EFCAB14: variants seen among roughly 807,000 people sequenced by gnomAD.
EFCAB14 encodes the protein EF-hand calcium-binding domain-containing protein 14.
Under a neutral mutation model 56.5 loss-of-function variants are expected in EFCAB14, and 43 were observed. That is an observed-to-expected ratio of 0.76 (90% CI 0.60 to 0.98). The LOEUF is 0.98. Ranked by LOEUF, EFCAB14 falls within the 50% of genes least tolerant of loss-of-function variation. EFCAB14 has a pLI of 0.00. For synonymous variants in EFCAB14, 235 were observed against 212.9 expected, an observed-to-expected ratio of 1.10 and a Z score of -0.90; for missense variants, 538 against 580.3, an observed-to-expected ratio of 0.93 and a Z score of 0.75.
chr1:46,715,626 CT>C (rs1677375737), intron 2 of EFCAB14, among the ~76,000 whole-genome samples: 3 of 151,834 alleles, frequency 2.0e-5, no homozygotes, highest in Admixed American at 6.6e-5. Context: ...CCACTTTATG[CT>C]TGGGGAGATG....
intron 3 of EFCAB14, among the ~76,000 whole-genome samples, chr1:46,697,430 G>C (rs1240845519): frequency 6.6e-6 from 1 of 152,230 alleles, no homozygotes; most frequent in Non-Finnish European, 1.5e-5. Flanking sequence ...TCAGGCTGCA[G>C]AGACAATATT....
intron 4 of EFCAB14, among the ~76,000 whole-genome samples, chr1:46,695,284 T>C (rs1209958717): frequency 6.6e-6 from 1 of 152,194 alleles, no homozygotes; most frequent in East Asian, 1.9e-4. Flanking sequence ...TCTGTACTAA[T>C]GGCTACAGAA....
At chr1:46,680,578 G>A (rs926517121) in intron 10 of EFCAB14, among the ~76,000 whole-genome samples, 4 of 152,206 alleles carry the variant, frequency 2.6e-5, no homozygotes, top group African/African-American at 7.2e-5. Context: ...TGGCAGGAGA[G>A]GGGACTGGGA....
chr1:46,717,822 C>T, intron 1 of EFCAB14, 81 bp downstream of exon 1: 1 of 1,479,990 alleles, frequency 6.8e-7, no homozygotes, highest in African/African-American at 1.4e-5. Context: ...CTAAGGACTT[C>T]CTTTCTCCTT....
At chr1:46,706,859 C>A (rs1305067983) in intron 3 of EFCAB14, among the ~76,000 whole-genome samples, 1 of 152,132 alleles carries the variant, frequency 6.6e-6, no homozygotes, top group African/African-American at 2.4e-5. Flanking sequence ...TAAGAGTGAG[C>A]TACTGTTTCA....
intron 10 of EFCAB14, among the ~76,000 whole-genome samples, chr1:46,681,661 C>G (rs1010509635): frequency 2.6e-4 from 10 of 39,002 alleles, no homozygotes; most frequent in Non-Finnish European, 5.3e-4. Context: ...CTGAAGAGTT[C>G]TGTTTTTTTT....
chr1:46,717,889 T>G lies in EFCAB14; in HGVS notation c.185+14A>C, dbSNP rs755245463. 32 of 1,609,312 alleles carry G rather than the reference T, an allele frequency of 2.0e-5. No homozygotes were observed. Among genetic ancestry groups the G allele is most frequent in the Non-Finnish European group, 2.7e-5 (32 of 1,177,186 alleles). ...AGATGCCTTCTTCCCATTCCACCTT[T>G]CACCACTACTCACTTGGCAAAGCGA... On this transcript the variant is annotated intron_variant, in intron 1 of 10. Transcript: ENST00000371933.
In EFCAB14 at chr1:46,683,369, G is replaced by C; in HGVS notation, c.1243C>G (p.Leu415Val). Residue 415 changes from leucine (L) to valine (V), a missense_variant, in exon 10 of 11, where the codon CTT becomes GTT. Coordinates refer to ENST00000371933, the MANE Select transcript of EFCAB14 (RefSeq NM_014774.3). ...GCAGCTTTCTCAACTGGGTCTCCAA[G>C]AAACTGTGAAAATTTTGGCAATGCT... ...PSALPKFSQF[L>V]GDPVEKAAQL... 1 of 1,614,088 alleles carries C rather than the reference G, an allele frequency of 6.2e-7. No homozygotes were observed. The highest frequency in any genetic ancestry group is 8.5e-7 in the Non-Finnish European group (1 of 1,179,968).
In EFCAB14 at chr1:46,676,043, G is replaced by A. The variant is rs531997702; in HGVS notation, c.*2418C>T. On this transcript the variant is annotated 3_prime_UTR_variant, in exon 11 of 11. Coordinates refer to ENST00000371933, the MANE Select transcript of EFCAB14 (RefSeq NM_014774.3). ...GACTACAGCTAAATACAAGTCACAG[G>A]CTTAGTAAGTTAAGACAACATACAA... The A allele has an allele frequency of 7.2e-5, 11 of 152,326 alleles. No homozygotes were observed. Among genetic ancestry groups the A allele is most frequent in the African/African-American group, 2.6e-4 (11 of 41,562 alleles). The allele number at this position is 152,326 out of a possible 1,614,324, so 9.4% of individuals were successfully genotyped here.
Position 46,678,536 on chromosome 1 carries a change from C to G in EFCAB14, c.1413G>C (p.Glu471Asp), listed in dbSNP as rs1676733461. The change falls in exon 11 of 11, where the codon GAG becomes GAC. Residue 471 changes from glutamate (E) to aspartate (D), a missense_variant. By Grantham distance (45) the Glu-to-Asp change is conservative (BLOSUM62 2). Transcript: ENST00000371933. Reference sequence around the variant, plus strand: ...CATCGGAATCAAATGCTCTCAAGCTCTCTGGTTCTGGCATAGCAGAACCTA... The same window carrying G: ...CATCGGAATCAAATGCTCTCAAGCTGTCTGGTTCTGGCATAGCAGAACCTA... ...TSLGSAMPEP[E>D]SLRAFDSDGD... 1 of 1,614,160 alleles carries G rather than the reference C, an allele frequency of 6.2e-7. No homozygotes were observed. Among genetic ancestry groups the G allele is most frequent in the Non-Finnish European group, 8.5e-7 (1 of 1,180,038 alleles).
At chr1:46,712,338 G>A (rs1022527386) in intron 2 of EFCAB14, among the ~76,000 whole-genome samples, 2 of 152,174 alleles carry the variant, frequency 1.3e-5, no homozygotes, top group African/African-American at 4.8e-5. Context: ...ATAGTGGAGT[G>A]ACAGAAAAGG....
intron 8 of EFCAB14, 78 bp from the exon 9 acceptor site, chr1:46,684,680 T>G: frequency 8.4e-7 from 1 of 1,185,942 alleles, no homozygotes; most frequent in Non-Finnish European, 1.2e-6. Flanking sequence ...TCCCAGAGCC[T>G]GTTTAGCATG....
In EFCAB14 at chr1:46,718,186, G is replaced by C; in HGVS notation, c.-99C>G. On this transcript the variant is annotated 5_prime_UTR_variant, in exon 1 of 11. Coordinates refer to ENST00000371933, the MANE Select transcript of EFCAB14 (RefSeq NM_014774.3). The stretch of plus-strand genomic sequence containing the variant: ...GCCTTGGAGCTGCCTTCCAGGGTTG[G>C]GAATCCTGGGCCAGAGCCCCCTGGT... 1.5e-6 allele frequency: 2 copies of C among 1,331,762 alleles called. No individual in the cohort carries two copies. The highest frequency in any genetic ancestry group is 2.1e-6 in the Non-Finnish European group (2 of 965,688). 82.5% of individuals were successfully genotyped at this position (1,331,762 alleles called of 1,614,324 possible). A position where few individuals can be genotyped will look rare whatever the true frequency, so the allele number is the denominator to read the frequency against.
intron 2 of EFCAB14, among the ~76,000 whole-genome samples, chr1:46,712,704 T>C (rs896675935): frequency 2.0e-5 from 3 of 151,840 alleles, no homozygotes. Context: ...GAAAAAAAAA[T>C]TAACCTTAAA....
chr1:46,689,710 T>C lies in EFCAB14; in HGVS notation c.691-19A>G. Reference sequence around the variant, plus strand: ...GCTGATTCTGTTAAGAGGAAAGAAGTTTAGTGTAGGCAACAAGGAATTATT... The same window carrying C: ...GCTGATTCTGTTAAGAGGAAAGAAGCTTAGTGTAGGCAACAAGGAATTATT... On this transcript the variant is annotated intron_variant, in intron 5 of 10. Coordinates refer to ENST00000371933, the MANE Select transcript of EFCAB14 (RefSeq NM_014774.3). The C allele has an allele frequency of 6.2e-7, 1 of 1,605,436 alleles. No homozygotes were observed. The highest frequency in any genetic ancestry group is 8.5e-7 in the Non-Finnish European group (1 of 1,172,310).
At chr1:46,706,118 T>G (rs907894858) in intron 3 of EFCAB14, among the ~76,000 whole-genome samples, 2 of 152,170 alleles carry the variant, frequency 1.3e-5, no homozygotes, top group Admixed American at 1.3e-4. Flanking sequence ...TCTCCCACCT[T>G]GGCCTCCCAA....
At chr1:46,711,209 A>C (rs577318705) in intron 2 of EFCAB14, among the ~76,000 whole-genome samples, 2 of 152,220 alleles carry the variant, frequency 1.3e-5, no homozygotes, top group Non-Finnish European at 2.9e-5. Flanking sequence ...GAATCTATCT[A>C]TCTCATACAG....
chr1:46,711,200 AATCT>A (rs1356621680), intron 2 of EFCAB14, among the ~76,000 whole-genome samples: 14 of 152,324 alleles, frequency 9.2e-5, no homozygotes, highest in South Asian at 2.1e-4. Context: ...GGTTTACAGG[AATCT>A]ATCTATCTCA....
At chr1:46,715,814 A>G (rs1677378937) in intron 2 of EFCAB14, among the ~76,000 whole-genome samples, 1 of 152,110 alleles carries the variant, frequency 6.6e-6, no homozygotes, top group African/African-American at 2.4e-5. Flanking sequence ...GTGTTACAAC[A>G]TTCAAGCAGA....
Sources: allele counts gnomAD v4.1 joint callset (sites outside exome capture counted in the v4.1 genomes callset), GRCh38; gene constraint gnomAD v4.1.1; transcripts MANE v1.5; gene names NCBI Gene and HGNC (gene_info 2026-07-23, HGNC 2026-07-21).